Variants in KCNMB2 observed in about 807,000 individuals in gnomAD.
KCNMB2 encodes potassium calcium-activated channel subfamily M regulatory beta subunit 2.
Under a neutral mutation model 24.5 loss-of-function variants are expected in KCNMB2, and 9 were observed. That is an observed-to-expected ratio of 0.37 (90% CI 0.22 to 0.64). KCNMB2 has a LOEUF of 0.64. KCNMB2 is among the 30% of genes least tolerant of loss of function. KCNMB2 has a pLI of 0.63. For synonymous variants in KCNMB2, 109 were observed against 104.4 expected (o/e 1.04, Z -0.27); for missense variants, 226 against 284.3 (o/e 0.79, Z 1.47).
At chr3:178,552,044 A>T (rs1033779955) in intron 1 of KCNMB2, among the ~76,000 whole-genome samples, 2 of 152,232 alleles carry the variant, frequency 1.3e-5, no homozygotes, top group Non-Finnish European at 2.9e-5. Context: ...AGAAGAAAGC[A>T]TATGACTCAC....
intron 1 of KCNMB2, among the ~76,000 whole-genome samples, chr3:178,805,288 A>T (rs953493982): frequency 3.9e-5 from 6 of 152,224 alleles, no homozygotes; most frequent in African/African-American, 1.4e-4. Flanking sequence ...CAGAAAGTAA[A>T]TACACAACGA....
In KCNMB2 at chr3:178,728,134, G is replaced by A. The variant is rs9852821; in HGVS notation, c.-67-79209G>A. Among the ~76,000 whole-genome samples the A allele has an allele frequency of 7.9e-4, 121 of 152,278 alleles. No individual in the cohort carries two copies. The South Asian group carries it at 9.5e-3, about 12-fold the overall frequency. ...ATCACTCACACCAGCCTCTGGGATAGACTCTGATAATGGCAATGCATATTA... is the reference window on the plus strand; with the variant it reads ...ATCACTCACACCAGCCTCTGGGATAAACTCTGATAATGGCAATGCATATTA... On this transcript the variant is annotated intron_variant, in intron 1 of 4. Transcript: ENST00000452583.
chr3:178,568,537 G>T (rs765092359), intron 1 of KCNMB2, among the ~76,000 whole-genome samples: 5 of 152,148 alleles, frequency 3.3e-5, no homozygotes, highest in Admixed American at 6.5e-5. Context: ...AAAACCTTCT[G>T]ATGACATTCA....
chr3:178,725,049 A>C (rs1722924998), intron 1 of KCNMB2, among the ~76,000 whole-genome samples: 1 of 152,160 alleles, frequency 6.6e-6, no homozygotes, highest in South Asian at 2.1e-4. Context: ...AAGTCTGTTA[A>C]AAATGACATT....
intron 1 of KCNMB2, among the ~76,000 whole-genome samples, chr3:178,644,020 G>A (rs753126262): frequency 1.4e-4 from 21 of 152,142 alleles, no homozygotes; most frequent in Non-Finnish European, 2.6e-4. Context: ...TGTCCTCTGA[G>A]GCAAACCAGC....
intron 4 of KCNMB2, among the ~76,000 whole-genome samples, chr3:178,836,165 C>T (rs776345263): frequency 6.6e-5 from 10 of 152,084 alleles, no homozygotes; most frequent in Non-Finnish European, 1.2e-4. Flanking sequence ...CCCTTCCCCA[C>T]ATCTTTTATT....
At chr3:178,739,402 A>C (rs557467624) in intron 1 of KCNMB2, among the ~76,000 whole-genome samples, 6 of 152,224 alleles carry the variant, frequency 3.9e-5, no homozygotes, top group Non-Finnish European at 7.3e-5. Context: ...GAGTGTTTCA[A>C]AGAATTTACC....
chr3:178,544,096 G>T (rs1177988527), intron 1 of KCNMB2, among the ~76,000 whole-genome samples: 2 of 152,100 alleles, frequency 1.3e-5, no homozygotes, highest in African/African-American at 4.8e-5. Flanking sequence ...TTTCTTGAAA[G>T]AACAAATCAA....
chr3:178,680,372 T>C (rs2108593489), intron 1 of KCNMB2, among the ~76,000 whole-genome samples: 1 of 152,312 alleles, frequency 6.6e-6, no homozygotes, highest in South Asian at 2.1e-4. Flanking sequence ...TTACAGCTTC[T>C]ACAACACCTA....
At chr3:178,743,524 T>C (rs1325205043) in intron 1 of KCNMB2, among the ~76,000 whole-genome samples, 10 of 152,222 alleles carry the variant, frequency 6.6e-5, no homozygotes, top group Non-Finnish European at 7.3e-5. Context: ...CCCAGGCTCC[T>C]GCTGTGTTGA....
intron 1 of KCNMB2, among the ~76,000 whole-genome samples, chr3:178,613,541 C>A (rs1054699235): frequency 6.6e-6 from 1 of 152,098 alleles, no homozygotes; most frequent in Non-Finnish European, 1.5e-5. Flanking sequence ...AATTCCTCCC[C>A]TTTTGTTTGT....
chr3:178,766,848 G>A (rs1389847218), intron 1 of KCNMB2, among the ~76,000 whole-genome samples: 1 of 152,144 alleles, frequency 6.6e-6, no homozygotes, highest in Non-Finnish European at 1.5e-5. Context: ...CCACAATTCT[G>A]TCTCTAGATG....
At chr3:178,811,628 TGC>T (rs1714197145) in intron 2 of KCNMB2, among the ~76,000 whole-genome samples, 1 of 152,224 alleles carries the variant, frequency 6.6e-6, no homozygotes, top group Admixed American at 6.5e-5. Context: ...GAGCAACATT[TGC>T]ATTATTTCCA....
chr3:178,806,215 T>C (rs1170710736), intron 1 of KCNMB2, among the ~76,000 whole-genome samples: 1 of 152,228 alleles, frequency 6.6e-6, no homozygotes, highest in Non-Finnish European at 1.5e-5. Flanking sequence ...TGGGTCTACC[T>C]CTTCTAAATG....
At chr3:178,787,491 G>A (rs937008578) in intron 1 of KCNMB2, among the ~76,000 whole-genome samples, 3 of 152,038 alleles carry the variant, frequency 2.0e-5, no homozygotes, top group African/African-American at 7.2e-5. Context: ...TTATTATCAC[G>A]CTAATTTTAC....
At chr3:178,650,536 G>A (rs112319367) in intron 1 of KCNMB2, among the ~76,000 whole-genome samples, 9 of 151,908 alleles carry the variant, frequency 5.9e-5, no homozygotes, top group African/African-American at 1.9e-4. Flanking sequence ...TGAACTACAG[G>A]GACTTCTCCC....
At chr3:178,785,510 C>G (rs1205621931) in intron 1 of KCNMB2, among the ~76,000 whole-genome samples, 1 of 151,750 alleles carries the variant, frequency 6.6e-6, no homozygotes, top group Non-Finnish European at 1.5e-5. Flanking sequence ...ACAAAAATTA[C>G]ATATTGACCG....
chr3:178,703,412 A>G (rs1448579817), intron 1 of KCNMB2, among the ~76,000 whole-genome samples: 2 of 152,092 alleles, frequency 1.3e-5, no homozygotes, highest in African/African-American at 4.8e-5. Flanking sequence ...AGGAAAAGGA[A>G]GGTATTTAGT....
chr3:178,640,226 A>T (rs116780040), intron 1 of KCNMB2, among the ~76,000 whole-genome samples: 484 of 152,296 alleles, frequency 3.2e-3, no homozygotes, highest in African/African-American at 0.011. Context: ...ACTACCTGAC[A>T]TTGGGTAATT....
Sources: gnomAD v4.1 joint callset for allele counts (sites outside exome capture counted in the v4.1 genomes callset) on GRCh38, gnomAD v4.1.1 for gene constraint, MANE v1.5 for transcripts, NCBI Gene and HGNC (gene_info 2026-07-23, HGNC 2026-07-21) for gene names.